The following CCDC88C variants were observed in gnomAD, a reference collection of about 807,000 sequenced individuals.
CCDC88C encodes protein Daple.
In CCDC88C, 131 loss-of-function variants were observed where a neutral mutation model predicts 198.8. The observed-to-expected ratio is 0.66, with a 90% CI of 0.57 to 0.76. CCDC88C has a LOEUF of 0.76. CCDC88C is among the 30% of genes least tolerant of loss of function. The pLI, the probability that CCDC88C is intolerant of heterozygous loss-of-function variation, is 0.00. For synonymous variants in CCDC88C, 1,166 were observed against 1,114.7 expected (o/e 1.05, Z -0.92); for missense variants, 2,553 against 2,631.6 (o/e 0.97, Z 0.65).
At chr14:91,409,592 A>T (rs1475185097) in intron 2 of CCDC88C, among the ~76,000 whole-genome samples, 1 of 150,428 alleles carries the variant, frequency 6.6e-6, no homozygotes, top group Non-Finnish European at 1.5e-5. Flanking sequence ...GGTTCCAGCG[A>T]TTCTCCCACC....
chr14:91,395,910 C>A (rs1596155893), intron 3 of CCDC88C, among the ~76,000 whole-genome samples: 1 of 152,200 alleles, frequency 6.6e-6, no homozygotes, highest in South Asian at 2.1e-4. Flanking sequence ...TCTGCCTCCC[C>A]CCTAAATACC....
At chr14:91,278,710 C>T (rs1442473734) in intron 28 of CCDC88C, among the ~76,000 whole-genome samples, 1 of 152,116 alleles carries the variant, frequency 6.6e-6, no homozygotes, top group South Asian at 2.1e-4. Context: ...TGTGACATGC[C>T]TGCATTCTCA....
Position 91,308,488 on chromosome 14 carries a change from A to G in CCDC88C, c.2869T>C (p.Tyr957His). 1 of 1,613,532 alleles carries G rather than the reference A, an allele frequency of 6.2e-7. No homozygotes were observed. The highest frequency in any genetic ancestry group is 8.5e-7 in the Non-Finnish European group (1 of 1,179,728). ...QEDDSGSDTK[Y>H]KILEGRNESA... ...TCATTTCTGCCCTCCAAAATCTTGT[A>G]TTTTCTGGAAAACACAAAGATACAA... is the stretch of plus-strand genomic sequence containing the variant. Residue 957 changes from tyrosine to histidine, a missense_variant, in exon 17 of 30, where the codon TAC (tyrosine) becomes CAC (histidine). Tyr to His is a moderately conservative substitution (Grantham distance 83). Transcript: ENST00000389857.
rs1596073241 is a variant in CCDC88C, at chr14:91,325,807, G to A, written c.1197+103C>T. Reference sequence around the variant, plus strand: ...AGGGTTAGAACTCCTGCGCTCAAGGGATCCTCCCACCTTAGCCTCCCAAAG... The same window carrying A: ...AGGGTTAGAACTCCTGCGCTCAAGGAATCCTCCCACCTTAGCCTCCCAAAG... On this transcript the variant is annotated intron_variant, in intron 11 of 29. Coordinates refer to ENST00000389857, the MANE Select transcript of CCDC88C (RefSeq NM_001080414.4). The surrounding 1 kb of genome is among the most constrained non-coding windows in gnomAD (Gnocchi z 4.1). 5 of 1,188,918 alleles carry A rather than the reference G, an allele frequency of 4.2e-6. No individual in the cohort carries two copies. The East Asian group carries it at 1.0e-4, about 25-fold the overall frequency. 73.6% of individuals were successfully genotyped at this position (1,188,918 alleles called of 1,614,324 possible). A position where few individuals can be genotyped will look rare whatever the true frequency, so the allele number is the denominator to read the frequency against.
At position 91,303,752 on chromosome 14, in the gene CCDC88C, A is replaced by G. The variant is rs750224074; in HGVS notation, c.3584T>C (p.Leu1195Pro). The change falls in exon 20 of 30, where the codon CTA (leucine) becomes CCA (proline). Residue 1195 changes from leucine (L) to proline (P), a missense_variant. By Grantham distance (98) the Leu-to-Pro change is moderately conservative. Around this residue, in one of 2 missense-constraint regions of CCDC88C, gnomAD observed 1,293 missense variants for 1,219.6 expected, o/e 1.06. Coordinates refer to ENST00000389857, the MANE Select transcript of CCDC88C (RefSeq NM_001080414.4). ...YEALIRQHSCLKTLHRNLELE... is the reference protein window; with the variant it reads ...YEALIRQHSCPKTLHRNLELE... ...CTCCAGATTCCGATGCAGTGTCTTT[A>G]GGCAGCTGTGCTGGCGGATGAGGGC... 27 of 1,612,120 alleles carry G rather than the reference A, an allele frequency of 1.7e-5. No homozygotes were observed. The highest frequency in any genetic ancestry group is 2.3e-5 in the Non-Finnish European group (27 of 1,179,240).
chr14:91,361,653 T>C (rs1470914591), intron 3 of CCDC88C, among the ~76,000 whole-genome samples: 1 of 152,178 alleles, frequency 6.6e-6, no homozygotes, highest in African/African-American at 2.4e-5. Flanking sequence ...CAACGGCTAA[T>C]GCTTTCTCAA....
At position 91,353,186 on chromosome 14, in the gene CCDC88C, C is replaced by A. The variant is rs562564415; in HGVS notation, c.340+6456G>T. Among the ~76,000 whole-genome samples, 21 of 152,294 alleles carry A rather than the reference C, an allele frequency of 1.4e-4. 3 individuals are homozygous for A. In the South Asian group the frequency reaches 4.4e-3, roughly 32 times the overall value. On this transcript the variant is annotated intron_variant, in intron 4 of 29. Transcript: ENST00000389857. ...GCTGTCACAGAAGGCCTCCTCCTTG[C>A]CCCAGGCTTGCTGATCCTCATGAGA...
chr14:91,303,665 C>T (rs1482259189), intron 20 of CCDC88C, 36 bp downstream of exon 20: 1 of 1,525,474 alleles, frequency 6.6e-7, no homozygotes, highest in Non-Finnish European at 8.8e-7. Flanking sequence ...CTGGACTCTA[C>T]CCCTCCCCAG....
At chr14:91,312,858 T>A (rs1192170732) in intron 15 of CCDC88C, among the ~76,000 whole-genome samples, 3 of 152,210 alleles carry the variant, frequency 2.0e-5, no homozygotes, top group African/African-American at 7.2e-5. Flanking sequence ...GGGAAAATGA[T>A]GAAACGAAAC....
At position 91,289,172 on chromosome 14, in the gene CCDC88C, G is replaced by T; in HGVS notation, c.4374C>A (p.Pro1458=). The change falls in exon 25 of 30, where the codon CCC becomes CCA. Residue 1458 remains proline, a synonymous_variant. Transcript: ENST00000389857. ...SQPLRSQAEN[P]DTPALGSNCA... The stretch of plus-strand genomic sequence containing the variant: ...AGTTGGAGCCCAGTGCGGGGGTGTC[G>T]GGGTTCTCGGCCTGTGATCTGAGCG... 1 of 1,613,828 alleles carries T rather than the reference G, an allele frequency of 6.2e-7. No homozygotes were observed. Among genetic ancestry groups the T allele is most frequent in the Non-Finnish European group, 8.5e-7 (1 of 1,179,864 alleles).
chr14:91,377,382 C>A (rs1386766488), intron 3 of CCDC88C, among the ~76,000 whole-genome samples: 1 of 152,180 alleles, frequency 6.6e-6, no homozygotes, highest in African/African-American at 2.4e-5. Context: ...CGATCTATGC[C>A]ACTTAGCTCT....
Position 91,315,702 on chromosome 14 carries a change from T to A in CCDC88C, c.1613A>T (p.Lys538Met). The change falls in exon 14 of 30, where the codon AAG (lysine) becomes ATG (methionine). Residue 538 changes from lysine to methionine, a missense_variant. Lys to Met is a moderately conservative substitution (Grantham distance 95, BLOSUM62 -1). Coordinates refer to ENST00000389857, the MANE Select transcript of CCDC88C (RefSeq NM_001080414.4). ...ETLSEELIREKEQLQSDMETL... is the reference protein window; with the variant it reads ...ETLSEELIREMEQLQSDMETL... Reference sequence around the variant, plus strand: ...CTCCATGTCACTCTGCAGCTGCTCCTTCTCTCTGATCAGCTCCTCACTGAG... The same window carrying A: ...CTCCATGTCACTCTGCAGCTGCTCCATCTCTCTGATCAGCTCCTCACTGAG... The A allele has an allele frequency of 6.2e-7, 1 of 1,613,870 alleles. No individual in the cohort carries two copies. The highest frequency in any genetic ancestry group is 8.5e-7 in the Non-Finnish European group (1 of 1,179,822).
chr14:91,340,984 C>CA (rs1893288272), intron 6 of CCDC88C, among the ~76,000 whole-genome samples: 1 of 152,022 alleles, frequency 6.6e-6, no homozygotes, highest in Non-Finnish European at 1.5e-5. Flanking sequence ...GCCTGGGTGA[C>CA]AGGCTGTCTC....
Position 91,309,983 on chromosome 14 carries a change from G to T in CCDC88C, c.2740C>A (p.Leu914Met). 3 of 1,595,808 alleles carry T rather than the reference G, an allele frequency of 1.9e-6. No individual in the cohort carries two copies. The highest frequency in any genetic ancestry group is 2.3e-5 in the East Asian group (1 of 44,114). ...TGGCTCTTCAGCTTCTCGAGCACCAGGTCCTGGAATGATGGGGAGAGAGCA... is the reference window on the plus strand; with the variant it reads ...TGGCTCTTCAGCTTCTCGAGCACCATGTCCTGGAATGATGGGGAGAGAGCA... ...ARTLTTLRED[L>M]VLEKLKSQQL... The change falls in exon 16 of 30, where the codon CTG becomes ATG. Residue 914 changes from leucine to methionine, a missense_variant. This residue lies in a region of CCDC88C where 1,260 missense variants were observed against 1,412.0 expected (regional missense o/e 0.89). Transcript: ENST00000389857.
intron 29 of CCDC88C, among the ~76,000 whole-genome samples, chr14:91,274,517 A>G (rs181645160): frequency 2.6e-5 from 4 of 152,330 alleles, no homozygotes; most frequent in South Asian, 4.1e-4. Flanking sequence ...GGGGGATGAG[A>G]GGCCGGCAGG....
intron 12 of CCDC88C, among the ~76,000 whole-genome samples, chr14:91,322,791 G>T (rs1205729696): frequency 6.6e-6 from 1 of 151,768 alleles, no homozygotes. Context: ...AATTTTTAAG[G>T]TTCTGTGAGT....
rs963473274 is a variant in CCDC88C, at chr14:91,416,943, G to C, written c.61-105C>G. ...ACTGGACGGGTCAGTGTGAGCAGAAGGGGGTCACCCACGCCCACACCACCC... is the reference window on the plus strand; with the variant it reads ...ACTGGACGGGTCAGTGTGAGCAGAACGGGGTCACCCACGCCCACACCACCC... On this transcript the variant is annotated intron_variant, in intron 1 of 29. Transcript: ENST00000389857. 6 of 779,548 alleles carry C rather than the reference G, an allele frequency of 7.7e-6. No individual in the cohort carries two copies. The South Asian group carries it at 9.3e-5, about 12-fold the overall frequency. 48.3% of individuals were successfully genotyped at this position (779,548 alleles called of 1,614,324 possible). A position where few individuals can be genotyped will look rare whatever the true frequency, so the allele number is the denominator to read the frequency against.
rs1886644156 is a variant in CCDC88C at position 91,408,756 on chromosome 14, G to A, written c.173C>T (p.Pro58Leu). The change falls in exon 3 of 30, where the codon CCC (proline) becomes CTC (leucine). Residue 58 changes from proline to leucine, a missense_variant. Pro to Leu is a moderately conservative substitution (Grantham distance 98). Transcript: ENST00000389857. Reference protein sequence around the residue: ...NQIMLQIDPRPTNQRINKHVN... With the variant: ...NQIMLQIDPRLTNQRINKHVN... ...GTGCTTATTGATGCGTTGATTTGTG[G>A]GCCTGGGATCTCTAGGGGAAGAAAC... The A allele has an allele frequency of 6.2e-7, 1 of 1,612,540 alleles. No homozygotes were observed. Among genetic ancestry groups the A allele is most frequent in the Admixed American group, 1.7e-5 (1 of 59,976 alleles).
rs138019214 is a variant in CCDC88C at position 91,374,357 on chromosome 14, T to C, written c.271-14646A>G. Among the ~76,000 whole-genome samples the C allele has an allele frequency of 6.4e-3, 972 of 152,206 alleles. 6 individuals are homozygous for C. The highest frequency in any genetic ancestry group is 0.014 in the Middle Eastern group (4 of 294). ...GCTAATGCAAGGTCCATTTGATCAA[T>C]AGGTATTTTTCATTGCTTGGAATAT... On this transcript the variant is annotated intron_variant, in intron 3 of 29. Transcript: ENST00000389857.
Sources: allele counts gnomAD v4.1 joint callset (sites outside exome capture counted in the v4.1 genomes callset), GRCh38; gene constraint gnomAD v4.1.1; regional missense constraint gnomAD v4.1.1; non-coding constraint Gnocchi (gnomAD v3.1); transcripts MANE v1.5; gene names NCBI Gene and HGNC (gene_info 2026-07-23, HGNC 2026-07-21).